The following MAPK4 variants were observed in gnomAD, a reference collection of about 807,000 sequenced individuals.
MAPK4 encodes the protein mitogen-activated protein kinase 4.
In MAPK4, 22 loss-of-function variants were observed where a neutral mutation model predicts 47.7. The ratio of observed to expected loss-of-function variants is 0.46; its 90% CI spans 0.33 to 0.66. The LOEUF is 0.66. Among genes scored for constraint, MAPK4 ranks in the 30% least tolerant of loss-of-function variants. The probability of loss-of-function intolerance (pLI) is 0.02; values close to 1 mark genes in which losing one functional copy is unlikely to be tolerated. For synonymous variants in MAPK4, 390 were observed against 365.7 expected (o/e 1.07, Z -0.76); for missense variants, 736 against 831.7 (o/e 0.88, Z 1.42).
chr18:50,570,118 T>C (rs561855489), intron 1 of MAPK4, among the ~76,000 whole-genome samples: 23 of 152,326 alleles, frequency 1.5e-4, no homozygotes, highest in African/African-American at 5.3e-4. Flanking sequence ...AGTCAGATCA[T>C]CTTAGAGACT....
intron 1 of MAPK4, among the ~76,000 whole-genome samples, chr18:50,610,796 C>A (rs1028743063): frequency 5.3e-5 from 8 of 152,190 alleles, no homozygotes; most frequent in Non-Finnish European, 7.4e-5. Context: ...TCTATCACAG[C>A]AAAAAGATAT....
At chr18:50,685,269 C>T (rs1442142722) in intron 2 of MAPK4, among the ~76,000 whole-genome samples, 1 of 152,214 alleles carries the variant, frequency 6.6e-6, no homozygotes, top group Non-Finnish European at 1.5e-5. Flanking sequence ...GCATCAGGGG[C>T]CTGGGTTCCA....
intron 2 of MAPK4, chr18:50,705,474 A>C (rs1297152674): frequency 6.6e-6 from 1 of 152,250 alleles, no homozygotes. Flanking sequence ...TGTAAAATGA[A>C]AAATAAATAC....
At chr18:50,667,941 C>G (rs781091016) in intron 2 of MAPK4, among the ~76,000 whole-genome samples, 18 of 152,264 alleles carry the variant, frequency 1.2e-4, no homozygotes, top group Non-Finnish European at 2.4e-4. Flanking sequence ...CTCCTTCCCA[C>G]GAGTCATATT....
rs966029251 is a variant in MAPK4, at chr18:50,664,519, A to C, written c.546+15A>C. 1.9e-6 allele frequency: 3 copies of C among 1,565,774 alleles called. No individual in the cohort carries two copies. The highest frequency in any genetic ancestry group is 2.7e-5 in the African/African-American group (2 of 74,132). The stretch of plus-strand genomic sequence containing the variant: ...ACTCCCACAAGGTATGTCTGGCTGG[A>C]ATGGCGGATACTGGTGGTCCACAGA... On this transcript the variant is annotated intron_variant, in intron 2 of 5. Transcript: ENST00000400384. This position sits in a 1 kb window ranked among gnomAD's most constrained non-coding sequence, Gnocchi z 6.0.
At chr18:50,653,545 G>A (rs573515835) in intron 1 of MAPK4, among the ~76,000 whole-genome samples, 3 of 152,354 alleles carry the variant, frequency 2.0e-5, no homozygotes, top group African/African-American at 7.2e-5. Flanking sequence ...AGAGTTCACT[G>A]GTGTTGGAAC....
chr18:50,699,632 C>T (rs1006140275), intron 2 of MAPK4, among the ~76,000 whole-genome samples: 7 of 152,164 alleles, frequency 4.6e-5, no homozygotes, highest in Non-Finnish European at 8.8e-5. Flanking sequence ...AGAATTAGGG[C>T]AAACTTTGCA....
chr18:50,627,431 C>T (rs540715589), intron 1 of MAPK4, among the ~76,000 whole-genome samples: 2 of 152,312 alleles, frequency 1.3e-5, no homozygotes, highest in Non-Finnish European at 2.9e-5. Flanking sequence ...ACATCCCAAC[C>T]ACCAGCTTCA....
intron 2 of MAPK4, among the ~76,000 whole-genome samples, chr18:50,685,560 G>A (rs1908831231): frequency 6.6e-6 from 1 of 152,196 alleles, no homozygotes; most frequent in Non-Finnish European, 1.5e-5. Flanking sequence ...GGGAGGCACC[G>A]GGATGGCATA....
At chr18:50,679,576 G>T (rs1449033073) in intron 2 of MAPK4, among the ~76,000 whole-genome samples, 1 of 152,092 alleles carries the variant, frequency 6.6e-6, no homozygotes, top group Non-Finnish European at 1.5e-5. Flanking sequence ...GGGTTGAAAA[G>T]CTCATCTAAG....
chr18:50,671,712 C>A (rs1182581986), intron 2 of MAPK4, among the ~76,000 whole-genome samples: 1 of 151,728 alleles, frequency 6.6e-6, no homozygotes, highest in Non-Finnish European at 1.5e-5. Context: ...AACAGCGAGA[C>A]CCCCATGTCT....
intron 3 of MAPK4, 112 bp from the exon 4 acceptor site, chr18:50,721,826 C>A: frequency 1.0e-6 from 1 of 999,634 alleles, no homozygotes; most frequent in Non-Finnish European, 1.5e-6. Context: ...CAGCCCAGTG[C>A]TGCCCCACTG....
intron 1 of MAPK4, among the ~76,000 whole-genome samples, chr18:50,597,559 A>G (rs1430199302): frequency 6.6e-6 from 1 of 152,226 alleles, no homozygotes; most frequent in Non-Finnish European, 1.5e-5. Flanking sequence ...TTAGACCTTT[A>G]CAGTGATCTA....
chr18:50,631,700 TC>T (rs530431691), intron 1 of MAPK4, among the ~76,000 whole-genome samples: 46 of 152,278 alleles, frequency 3.0e-4, no homozygotes, highest in East Asian at 5.8e-4. Flanking sequence ...ATTTTAACTC[TC>T]CATGTGTGGC....
chr18:50,722,243 C>G lies in MAPK4; in HGVS notation c.853+144C>G. 5 of 915,448 alleles carry G rather than the reference C, an allele frequency of 5.5e-6. No homozygotes were observed. In the South Asian group the frequency reaches 9.0e-5, roughly 17 times the overall value. 56.7% of individuals were successfully genotyped at this position (915,448 alleles called of 1,614,324 possible). A position where few individuals can be genotyped will look rare whatever the true frequency, so the allele number is the denominator to read the frequency against. ...AAGTCAAGGCTCCCCTGCCAGTGGG[C>G]CTTTGCCCTAACTACTTCCAAGCTG... On this transcript the variant is annotated intron_variant, in intron 4 of 5. Transcript: ENST00000400384.
chr18:50,713,224 G>A (rs1057235026), intron 2 of MAPK4, among the ~76,000 whole-genome samples: 2 of 152,208 alleles, frequency 1.3e-5, no homozygotes, highest in Non-Finnish European at 2.9e-5. Context: ...AAAACTCACA[G>A]AACTGGTGAA....
At position 50,600,498 on chromosome 18, in the gene MAPK4, C is replaced by T. The variant is rs561238675; in HGVS notation, c.-871+40255C>T. Among the ~76,000 whole-genome samples the T allele has an allele frequency of 2.2e-3, 333 of 152,186 alleles. 1 individual carries two copies. The highest frequency in any genetic ancestry group is 3.8e-3 in the Non-Finnish European group (259 of 68,012). ...TTTTCTTCATCTTAAGACAAAATGA[C>T]GGGAGTGGTGAGGTGGCTTCTCTAC... is the stretch of plus-strand genomic sequence containing the variant. On this transcript the variant is annotated intron_variant, in intron 1 of 5. Transcript: ENST00000400384.
chr18:50,664,016 TTTG>T lies in MAPK4; in HGVS notation c.62_64del (p.Val21del). Reference sequence around the variant, plus strand: ...CTATGGGTATGACCTCGGTGGGCGCTTTGTTGACTTCCAACCCCTGGGCTTCGG... The same window carrying T: ...CTATGGGTATGACCTCGGTGGGCGCTTTGACTTCCAACCCCTGGGCTTCGG... On this transcript the variant is annotated inframe_deletion, in exon 2 of 6. Transcript: ENST00000400384. The surrounding 1 kb of genome is among the most constrained non-coding windows in gnomAD (Gnocchi z 6.0). 1 of 1,610,758 alleles carries T rather than the reference TTTG, an allele frequency of 6.2e-7. No individual in the cohort carries two copies. The highest frequency in any genetic ancestry group is 8.5e-7 in the Non-Finnish European group (1 of 1,178,964).
At chr18:50,613,925 G>A (rs2042661289) in intron 1 of MAPK4, among the ~76,000 whole-genome samples, 1 of 152,062 alleles carries the variant, frequency 6.6e-6, no homozygotes, top group South Asian at 2.1e-4. Flanking sequence ...AGGACAAGAA[G>A]ACAAATGAAT....
Sources: gnomAD v4.1 joint callset for allele counts (sites outside exome capture counted in the v4.1 genomes callset) on GRCh38, gnomAD v4.1.1 for gene constraint, Gnocchi (gnomAD v3.1) non-coding constraint, MANE v1.5 for transcripts, NCBI Gene and HGNC (gene_info 2026-07-23, HGNC 2026-07-21) for gene names.